The following RASA3 variants were observed in gnomAD, a reference collection of about 807,000 sequenced individuals.
RASA3 encodes the protein ras GTPase-activating protein 3.
In RASA3, 73 loss-of-function variants were observed where a neutral mutation model predicts 110.0. The observed-to-expected ratio is 0.66, with a 90% confidence interval of 0.55 to 0.81. The LOEUF is 0.81. RASA3 is among the 30% of genes least tolerant of loss of function. The pLI is 0.00. For synonymous variants in RASA3, 500 were observed against 451.4 expected (o/e 1.11, Z -1.37); for missense variants, 976 against 1,113.2 (o/e 0.88, Z 1.75).
Position 113,981,796 on chromosome 13 carries a change from T to C in RASA3, c.2308A>G (p.Ile770Val), listed in dbSNP as rs758918079. The part of the protein sequence containing the change: ...PEQEEYSTFV[I>V]DDPQETYKTL... ...TTGTAGGTCTCCTGGGGGTCGTCAA[T>C]GACGAACGTCGAATACTCCTCCTGC... is the stretch of plus-strand genomic sequence containing the variant. Residue 770 changes from isoleucine (I) to valine (V), a missense_variant, in exon 23 of 24, where the codon ATT becomes GTT. This residue lies in a region of RASA3 where 132 missense variants were observed against 152.8 expected (regional missense o/e 0.86). Transcript: ENST00000334062. 7 of 1,613,890 alleles carry C rather than the reference T, an allele frequency of 4.3e-6. No individual in the cohort carries two copies.
intron 2 of RASA3, among the ~76,000 whole-genome samples, chr13:114,069,331 G>C (rs1413783439): frequency 6.6e-6 from 1 of 151,662 alleles, no homozygotes; most frequent in African/African-American, 2.4e-5. Context: ...TCTGAGCTCA[G>C]AGATGCAGAC....
chr13:114,037,785 A>C (rs1398647069), intron 4 of RASA3, among the ~76,000 whole-genome samples: 2 of 152,230 alleles, frequency 1.3e-5, no homozygotes, highest in Non-Finnish European at 2.9e-5. Context: ...ACATCCGTGG[A>C]CTGCACAAAC....
chr13:114,052,732 G>A (rs867769510), intron 2 of RASA3, among the ~76,000 whole-genome samples: 41 of 142,430 alleles, frequency 2.9e-4, no homozygotes, highest in African/African-American at 8.7e-4. Context: ...CTGGGGGAGA[G>A]ATCCCCGCTG....
At chr13:114,015,437 G>GGGGGAGGGGCTGAGGGCGT (rs2053768856) in intron 13 of RASA3, 105 bp from the exon 14 acceptor site, 1 of 1,448,692 alleles carries the variant, frequency 6.9e-7, no homozygotes, top group Non-Finnish European at 9.4e-7. Flanking sequence ...GCTGAGGGCG[G>GGGGGAGGGGCTGAGGGCGT]GCGCAGGGCA....
intron 1 of RASA3, among the ~76,000 whole-genome samples, chr13:114,104,009 T>C (rs7337215): frequency 6.6e-3 from 136 of 20,572 alleles, no homozygotes; most frequent in African/African-American, 8.4e-3. Flanking sequence ...CCTGATGCGT[T>C]CACACTGCCC....
At chr13:114,069,577 TC>T (rs544096620) in intron 2 of RASA3, among the ~76,000 whole-genome samples, 2 of 790 alleles carry the variant, frequency 2.5e-3, no homozygotes, top group Admixed American at 0.018. Context: ...GACTTGGGGG[TC>T]GGGAGACTGG....
intron 1 of RASA3, among the ~76,000 whole-genome samples, chr13:114,083,527 G>A (rs976979719): frequency 2.1e-5 from 3 of 141,294 alleles, no homozygotes; most frequent in African/African-American, 5.0e-5. Flanking sequence ...CTGGAGTATC[G>A]ACTCCCTTCG....
rs2079238993 is a variant in RASA3, at chr13:114,056,017, C to T, written c.174-3862G>A. Among the ~76,000 whole-genome samples the T allele has an allele frequency of 6.6e-6, 1 of 152,224 alleles. No homozygotes were observed. The highest frequency in any genetic ancestry group is 1.5e-5 in the Non-Finnish European group (1 of 68,046). ...GCACAAACTCCAGCAGCCGGCTTGT[C>T]AGGAAGCTGCAGCAGCTTCAGAGCA... On this transcript the variant is annotated intron_variant, in intron 2 of 23. Transcript: ENST00000334062. This position sits in a 1 kb window ranked among gnomAD's most constrained non-coding sequence, Gnocchi z 5.7.
chr13:114,040,125 G>A (rs997870878), intron 4 of RASA3, among the ~76,000 whole-genome samples: 5 of 152,246 alleles, frequency 3.3e-5, no homozygotes, highest in Admixed American at 3.3e-4. Context: ...TTCCTCAGTT[G>A]TGCATGACAA....
rs1455893517 is a variant in RASA3, at chr13:114,112,975, A to G, written c.55+19460T>C. Among the ~76,000 whole-genome samples the G allele has an allele frequency of 6.6e-6, 1 of 152,092 alleles. No homozygotes were observed. Among genetic ancestry groups the G allele is most frequent in the Non-Finnish European group, 1.5e-5 (1 of 67,990 alleles). The stretch of plus-strand genomic sequence containing the variant: ...GCACTAAAGGCCTGGGGGCTCAGAG[A>G]AAGGCCCAGCCCATCCCAGCAGAGG... On this transcript the variant is annotated intron_variant, in intron 1 of 23. Coordinates refer to ENST00000334062, the MANE Select transcript of RASA3 (RefSeq NM_007368.4). This position sits in a 1 kb window ranked among gnomAD's most constrained non-coding sequence, Gnocchi z 4.8.
intron 15 of RASA3, among the ~76,000 whole-genome samples, chr13:114,012,707 A>C (rs1594319135): frequency 7.8e-6 from 1 of 128,432 alleles, no homozygotes; most frequent in African/African-American, 3.2e-5. Context: ...TCCTCATTCC[A>C]CACACACTCC....
intron 1 of RASA3, among the ~76,000 whole-genome samples, chr13:114,089,959 G>A (rs759647160): frequency 3.3e-5 from 5 of 152,088 alleles, no homozygotes; most frequent in South Asian, 4.1e-4. Context: ...AGGTTCGCCC[G>A]TGCTTAGCCC....
intron 4 of RASA3, 151 bp from the exon 5 acceptor site, chr13:114,030,038 C>T (rs1594351535): frequency 1.5e-6 from 1 of 687,088 alleles, no homozygotes; most frequent in African/African-American, 1.8e-5. Context: ...TCCACTCCAC[C>T]CCCGGGACGC....
At chr13:114,012,584 CCACA>C (rs1173831598) in intron 15 of RASA3, among the ~76,000 whole-genome samples, 1 of 147,954 alleles carries the variant, frequency 6.8e-6, no homozygotes, top group Admixed American at 6.7e-5. Context: ...ACTCCCCATT[CCACA>C]CACACTCCTC....
chr13:114,011,130 C>A lies in RASA3; in HGVS notation c.1590+41G>T. 6.6e-7 allele frequency: 1 copy of A among 1,509,346 alleles called. No homozygotes were observed. The highest frequency in any genetic ancestry group is 1.2e-5 in the South Asian group (1 of 86,884). 93.5% of individuals were successfully genotyped at this position (1,509,346 alleles called of 1,614,324 possible). A position where few individuals can be genotyped will look rare whatever the true frequency, so the allele number is the denominator to read the frequency against. On this transcript the variant is annotated intron_variant, in intron 16 of 23. Coordinates refer to ENST00000334062, the MANE Select transcript of RASA3 (RefSeq NM_007368.4). The surrounding 1 kb of genome is among the most constrained non-coding windows in gnomAD (Gnocchi z 4.8). ...GTATTTTCTGAAGAGAGAAAAGAAT[C>A]AGTTGTCCCTAAAAAGAGAAAATGA...
chr13:114,066,954 CACCTGGGCTGAGGACAGGCCCCCCT>C (rs1566545598), intron 2 of RASA3, among the ~76,000 whole-genome samples: 6 of 143,362 alleles, frequency 4.2e-5, no homozygotes, highest in Non-Finnish European at 1.5e-5. Context: ...CGGGCCTCCC[CACCTGGGCTGAGGACAGGCCCCCCT>C]ACCTGGGCTG....
intron 4 of RASA3, among the ~76,000 whole-genome samples, chr13:114,039,859 A>G (rs2054360485): frequency 6.6e-6 from 1 of 152,162 alleles, no homozygotes; most frequent in South Asian, 2.1e-4. Flanking sequence ...GACCGGGGTG[A>G]GCCCCAGTCA....
chr13:114,125,444 C>T (rs969744292), intron 1 of RASA3, among the ~76,000 whole-genome samples: 5 of 151,944 alleles, frequency 3.3e-5, no homozygotes, highest in African/African-American at 1.2e-4. Flanking sequence ...GGCAAGAGCG[C>T]GAGGTGGGAG....
chr13:113,993,923 G>A (rs776704787), intron 21 of RASA3, among the ~76,000 whole-genome samples: 2 of 152,112 alleles, frequency 1.3e-5, no homozygotes, highest in Non-Finnish European at 2.9e-5. Context: ...TTGCACGCAG[G>A]TGCAACCAAC....
Sources: allele counts gnomAD v4.1 joint callset (sites outside exome capture counted in the v4.1 genomes callset), GRCh38; gene constraint gnomAD v4.1.1; regional missense constraint gnomAD v4.1.1; non-coding constraint Gnocchi (gnomAD v3.1); transcripts MANE v1.5; gene names NCBI Gene and HGNC (gene_info 2026-07-23, HGNC 2026-07-21).